Variants in SNX30 observed in about 807,000 individuals in gnomAD.
SNX30 encodes the protein sorting nexin-30.
SNX30 carries 24 observed loss-of-function variants against 46.4 expected under a neutral mutation model. That is an observed-to-expected ratio of 0.52 (90% CI 0.37 to 0.73). The LOEUF is 0.73. SNX30 is among the 30% of genes least tolerant of loss of function. SNX30 has a pLI of 0.00. For missense variants in SNX30, 533 were observed against 555.7 expected, an observed-to-expected ratio of 0.96 and a Z score of 0.41; for synonymous variants, 189 against 211.5, an observed-to-expected ratio of 0.89 and a Z score of 0.92.
chr9:112,876,194 G>A (rs1841514835), downstream of SNX30, among the ~76,000 whole-genome samples: 2 of 152,166 alleles, frequency 1.3e-5, no homozygotes, highest in African/African-American at 2.4e-5. Context: ...GGCAAGAAGT[G>A]ATAAAGGGAG....
intron 1 of SNX30, among the ~76,000 whole-genome samples, chr9:112,795,295 G>A (rs1424476095): frequency 6.6e-6 from 1 of 152,156 alleles, no homozygotes; most frequent in Non-Finnish European, 1.5e-5. Flanking sequence ...TTTTATAAAT[G>A]AGGACATCGG....
chr9:112,804,890 C>T lies in SNX30; in HGVS notation c.271C>T (p.Leu91Phe). The T allele has an allele frequency of 6.2e-7, 1 of 1,613,894 alleles. No individual in the cohort carries two copies. The highest frequency in any genetic ancestry group is 8.5e-7 in the Non-Finnish European group (1 of 1,179,878). The change falls in exon 2 of 9, where the codon CTC becomes TTC. Residue 91 changes from leucine (L) to phenylalanine (F), a missense_variant. Transcript: ENST00000374232. ...TGATATTGATGGTGAGACTAGAGATCTCTTCGTTATAGTTGATGATCCCAA... is the reference window on the plus strand; with the variant it reads ...TGATATTGATGGTGAGACTAGAGATTTCTTCGTTATAGTTGATGATCCCAA... The part of the protein sequence containing the change: ...DDDIDGETRD[L>F]FVIVDDPKKH...
At chr9:112,813,942 C>G (rs906329176) in intron 2 of SNX30, among the ~76,000 whole-genome samples, 1 of 152,166 alleles carries the variant, frequency 6.6e-6, no homozygotes, top group African/African-American at 2.4e-5. Context: ...ATGCAAATAT[C>G]CTTGCCACAG....
intron 2 of SNX30, among the ~76,000 whole-genome samples, chr9:112,816,348 C>T (rs548282202): frequency 6.6e-6 from 1 of 152,198 alleles, no homozygotes; most frequent in Non-Finnish European, 1.5e-5. Flanking sequence ...ATGACTTGCT[C>T]TCTGGATTTA....
At chr9:112,855,485 G>A (rs1372180714) in intron 7 of SNX30, among the ~76,000 whole-genome samples, 4 of 152,148 alleles carry the variant, frequency 2.6e-5, no homozygotes, top group Non-Finnish European at 5.9e-5. Flanking sequence ...GTCATGGAGT[G>A]GCATCAAAAT....
chr9:112,858,734 A>G (rs973820126), intron 7 of SNX30, among the ~76,000 whole-genome samples: 1 of 151,788 alleles, frequency 6.6e-6, no homozygotes, highest in Non-Finnish European at 1.5e-5. Flanking sequence ...TCTAACTCCT[A>G]CCACCCCTGG....
chr9:112,788,112 G>A (rs1406382768), intron 1 of SNX30, among the ~76,000 whole-genome samples: 1 of 152,048 alleles, frequency 6.6e-6, no homozygotes, highest in East Asian at 1.9e-4. Flanking sequence ...GAGAAGTGTG[G>A]GCTGTAAGAG....
chr9:112,830,002 C>T (rs1840636657), intron 3 of SNX30, among the ~76,000 whole-genome samples: 1 of 152,126 alleles, frequency 6.6e-6, no homozygotes, highest in African/African-American at 2.4e-5. Context: ...CTTCTTTTCC[C>T]TGTGGTAGTA....
At chr9:112,787,598 T>C (rs919196364) in intron 1 of SNX30, among the ~76,000 whole-genome samples, 1 of 151,972 alleles carries the variant, frequency 6.6e-6, no homozygotes, top group Non-Finnish European at 1.5e-5. Flanking sequence ...TCCCTAGGTA[T>C]TTTTGAGGCT....
intron 1 of SNX30, among the ~76,000 whole-genome samples, chr9:112,766,243 A>G (rs1472625161): frequency 6.6e-6 from 1 of 152,232 alleles, no homozygotes; most frequent in South Asian, 2.1e-4. Context: ...CCACCCCTCC[A>G]GTGTTACTTC....
Position 112,872,878 on chromosome 9 carries a change from G to T in SNX30, c.*4035G>T, listed in dbSNP as rs1841468088. 1 of 152,180 alleles carries T rather than the reference G, an allele frequency of 6.6e-6. No homozygotes were observed. The highest frequency in any genetic ancestry group is 2.4e-5 in the African/African-American group (1 of 41,422). The allele number at this position is 152,180 out of a possible 1,614,324, so 9.4% of individuals were successfully genotyped here. A position where few individuals can be genotyped will look rare whatever the true frequency, so the allele number is the denominator to read the frequency against. On this transcript the variant is annotated 3_prime_UTR_variant, in exon 9 of 9. Transcript: ENST00000374232. Reference sequence around the variant, plus strand: ...AAATTTGAGGAAAATGTTCTCTCCTGGGCCAGCCTCACAGCTTGCGTTGGG... The same window carrying T: ...AAATTTGAGGAAAATGTTCTCTCCTTGGCCAGCCTCACAGCTTGCGTTGGG...
intron 2 of SNX30, among the ~76,000 whole-genome samples, chr9:112,815,441 G>A (rs7872628): frequency 0.94 from 142,191 of 151,802 alleles, 66,674 homozygotes; most frequent in East Asian, 1. Context: ...ACTCACTGCA[G>A]CCTCCCCCTC....
chr9:112,838,826 G>A (rs553280650), intron 6 of SNX30, 129 bp downstream of exon 6: 45 of 764,500 alleles, frequency 5.9e-5, no homozygotes, highest in Admixed American at 2.0e-4. Context: ...GATCAGACAC[G>A]TGGACTGACA....
chr9:112,850,776 G>A, intron 6 of SNX30, 83 bp from the exon 7 acceptor site: 1 of 1,015,142 alleles, frequency 9.9e-7, no homozygotes, highest in South Asian at 1.4e-5. Context: ...GGGGAGGCGT[G>A]GGGGAAAAGA....
rs1564255782 is a variant in SNX30, at chr9:112,751,168, TG to T, written c.156+15del. Reference sequence around the variant, plus strand: ...AGCTTCGGTGACAAGGTGGGGCGCCTGGGGCCGGGGAGTGGGAGGCTTATTT... The same window carrying T: ...AGCTTCGGTGACAAGGTGGGGCGCCTGGGCCGGGGAGTGGGAGGCTTATTT... On this transcript the variant is annotated intron_variant, in intron 1 of 8. Coordinates refer to ENST00000374232, the MANE Select transcript of SNX30 (RefSeq NM_001012994.2). 1 of 1,495,158 alleles carries T rather than the reference TG, an allele frequency of 6.7e-7. No individual in the cohort carries two copies. The highest frequency in any genetic ancestry group is 8.9e-7 in the Non-Finnish European group (1 of 1,125,978). The allele number at this position is 1,495,158 out of a possible 1,614,324, so 92.6% of individuals were successfully genotyped here.
Position 112,874,813 on chromosome 9 carries a change from A to G in SNX30, c.*5970A>G, listed in dbSNP as rs1841500019. Reference sequence around the variant, plus strand: ...TGATGCTGGCACGAGGTTTTTGTCCACTTTTTTCATATATCTGTGTATAAA... The same window carrying G: ...TGATGCTGGCACGAGGTTTTTGTCCGCTTTTTTCATATATCTGTGTATAAA... On this transcript the variant is annotated 3_prime_UTR_variant, in exon 9 of 9. Transcript: ENST00000374232. 2 of 152,118 alleles carry G rather than the reference A, an allele frequency of 1.3e-5. No individual in the cohort carries two copies. Among genetic ancestry groups the G allele is most frequent in the African/African-American group, 4.8e-5 (2 of 41,430 alleles). 9.4% of individuals were successfully genotyped at this position (152,118 alleles called of 1,614,324 possible).
At chr9:112,818,231 G>A (rs373076667) in intron 3 of SNX30, among the ~76,000 whole-genome samples, 271 of 133,586 alleles carry the variant, frequency 2.0e-3, no homozygotes, top group African/African-American at 7.2e-3. Context: ...AGACAGAGTC[G>A]CACTCTCTTG....
chr9:112,853,040 C>T (rs903795519), intron 7 of SNX30, among the ~76,000 whole-genome samples: 2 of 152,162 alleles, frequency 1.3e-5, no homozygotes, highest in African/African-American at 4.8e-5. Context: ...ATTGTTCTTT[C>T]CCCGTTTCGT....
intron 1 of SNX30, among the ~76,000 whole-genome samples, chr9:112,788,947 C>G (rs1161489755): frequency 6.6e-6 from 1 of 152,162 alleles, no homozygotes; most frequent in Non-Finnish European, 1.5e-5. Flanking sequence ...AGGCATGCGC[C>G]ACCACGCCCA....
Sources: allele counts gnomAD v4.1 joint callset (sites outside exome capture counted in the v4.1 genomes callset), GRCh38; gene constraint gnomAD v4.1.1; transcripts MANE v1.5; gene names NCBI Gene and HGNC (gene_info 2026-07-23, HGNC 2026-07-21).